The following AGBL4 variants were observed in gnomAD, a reference collection of about 807,000 sequenced individuals.
AGBL4 encodes the protein cytosolic carboxypeptidase 6.
Under a neutral mutation model 66.4 loss-of-function variants are expected in AGBL4, and 58 were observed. The observed-to-expected ratio is 0.87, with a 90% CI of 0.71 to 1.09. The LOEUF is 1.09. Ranked by LOEUF, AGBL4 falls within the 50% of genes least tolerant of loss-of-function variation. The pLI, the probability that AGBL4 is intolerant of heterozygous loss-of-function variation, is 0.00. For missense variants in AGBL4, 579 were observed against 631.0 expected, an observed-to-expected ratio of 0.92 and a Z score of 0.88; for synonymous variants, 234 against 222.9, an observed-to-expected ratio of 1.05 and a Z score of -0.44.
At chr1:49,972,281 T>C (rs1033476581) in intron 1 of AGBL4, among the ~76,000 whole-genome samples, 7 of 151,992 alleles carry the variant, frequency 4.6e-5, no homozygotes, top group African/African-American at 1.2e-4. Flanking sequence ...ACAGTGAACA[T>C]TGTACCCAAT....
At chr1:49,225,353 T>C (rs1028542191) in intron 4 of AGBL4, among the ~76,000 whole-genome samples, 3 of 152,220 alleles carry the variant, frequency 2.0e-5, no homozygotes, top group African/African-American at 7.2e-5. Context: ...TATCTTAGAA[T>C]GCTCTGCTCA....
intron 6 of AGBL4, among the ~76,000 whole-genome samples, chr1:48,707,280 TGA>T (rs1646895922): frequency 6.6e-6 from 1 of 151,672 alleles, no homozygotes; most frequent in Admixed American, 6.6e-5. Context: ...GGTGACAGAG[TGA>T]GACCCTATAT....
In AGBL4 at chr1:49,655,621, C is replaced by A. The variant is rs190710978; in HGVS notation, c.282+41692G>T. Reference sequence around the variant, plus strand: ...AAGCAGGACAGATCTAAAATTGACACCCTCACATCACAATTAAAAGAATTA... The same window carrying A: ...AAGCAGGACAGATCTAAAATTGACAACCTCACATCACAATTAAAAGAATTA... On this transcript the variant is annotated intron_variant, in intron 3 of 13. Transcript: ENST00000371839. 4.3e-3 allele frequency among the ~76,000 whole-genome samples: 655 copies of A among 152,176 alleles called. 6 individuals carry two copies. Among genetic ancestry groups the A allele is most frequent in the African/African-American group, 0.015 (612 of 41,490 alleles).
chr1:49,891,265 A>C (rs1235864460), intron 1 of AGBL4, among the ~76,000 whole-genome samples: 4 of 152,202 alleles, frequency 2.6e-5, no homozygotes, highest in African/African-American at 9.6e-5. Context: ...ATGGAAAAAA[A>C]TAAGTGAGCA....
chr1:48,877,081 C>G (rs1047072642), intron 5 of AGBL4, among the ~76,000 whole-genome samples: 5 of 152,166 alleles, frequency 3.3e-5, no homozygotes, highest in African/African-American at 1.2e-4. Context: ...GGAAAGGGAT[C>G]TGCTCAAAAT....
chr1:49,192,478 T>C (rs1647139939), intron 4 of AGBL4, among the ~76,000 whole-genome samples: 1 of 152,178 alleles, frequency 6.6e-6, no homozygotes, highest in South Asian at 2.1e-4. Flanking sequence ...TTTGTATTTT[T>C]AGTAGAGACA....
At chr1:49,086,384 G>C (rs912533660) in intron 4 of AGBL4, among the ~76,000 whole-genome samples, 1 of 152,032 alleles carries the variant, frequency 6.6e-6, no homozygotes, top group East Asian at 1.9e-4. Context: ...GAAAGCAGGG[G>C]TGGGGGTGAC....
intron 3 of AGBL4, among the ~76,000 whole-genome samples, chr1:49,259,933 A>T (rs1396422020): frequency 6.6e-6 from 1 of 151,030 alleles, no homozygotes; most frequent in Non-Finnish European, 1.5e-5. Context: ...CAAATGTAAA[A>T]GAACAGAGAT....
chr1:48,678,240 G>A (rs993487434), intron 6 of AGBL4, among the ~76,000 whole-genome samples: 28 of 139,786 alleles, frequency 2.0e-4, no homozygotes, highest in Admixed American at 1.4e-4. Flanking sequence ...CGCCGCCCCC[G>A]CCCTTCTGCC....
At chr1:49,078,185 G>C (rs1644745593) in intron 4 of AGBL4, among the ~76,000 whole-genome samples, 1 of 152,096 alleles carries the variant, frequency 6.6e-6, no homozygotes, top group South Asian at 2.1e-4. Context: ...TGTCTCAAGG[G>C]TCTCACAGAG....
In AGBL4 at chr1:49,155,672, G is replaced by A. The variant is rs1646416208; in HGVS notation, c.377+90098C>T. Among the ~76,000 whole-genome samples the A allele has an allele frequency of 3.9e-5, 6 of 152,244 alleles. No homozygotes were observed. The South Asian group carries it at 8.3e-4, about 21-fold the overall frequency. On this transcript the variant is annotated intron_variant, in intron 4 of 13. Transcript: ENST00000371839. Reference sequence around the variant, plus strand: ...GTAGGTGAGTAAAGTAAGATGTCAGGGGGCATCTTCTCAGTTCCACATGGG... The same window carrying A: ...GTAGGTGAGTAAAGTAAGATGTCAGAGGGCATCTTCTCAGTTCCACATGGG...
chr1:48,737,194 G>C (rs1330242936), intron 6 of AGBL4, among the ~76,000 whole-genome samples: 1 of 152,172 alleles, frequency 6.6e-6, no homozygotes, highest in African/African-American at 2.4e-5. Context: ...TGAGGCAAGA[G>C]AATCGCTTGA....
At chr1:48,835,375 T>A (rs1646649957) in intron 6 of AGBL4, among the ~76,000 whole-genome samples, 4 of 152,156 alleles carry the variant, frequency 2.6e-5, no homozygotes, top group Non-Finnish European at 4.4e-5. Flanking sequence ...CTCCTGGAAC[T>A]TATAGGCTAG....
chr1:49,857,675 T>G (rs947374742), intron 1 of AGBL4, among the ~76,000 whole-genome samples: 1 of 152,144 alleles, frequency 6.6e-6, no homozygotes, highest in Non-Finnish European at 1.5e-5. Context: ...AATATCCACA[T>G]GCAGAAGAAT....
At chr1:49,229,984 G>A (rs1403348885) in intron 4 of AGBL4, among the ~76,000 whole-genome samples, 1 of 152,066 alleles carries the variant, frequency 6.6e-6, no homozygotes, top group African/African-American at 2.4e-5. Context: ...ATCTTTTATA[G>A]ACACAAAAAT....
chr1:48,574,058 A>G (rs183747833), intron 11 of AGBL4, among the ~76,000 whole-genome samples: 120 of 152,346 alleles, frequency 7.9e-4, no homozygotes, highest in African/African-American at 2.8e-3. Context: ...GCTTCATTCT[A>G]TTATTAACGA....
At chr1:49,065,650 T>C (rs1159371954) in intron 4 of AGBL4, among the ~76,000 whole-genome samples, 11 of 152,232 alleles carry the variant, frequency 7.2e-5, no homozygotes, top group South Asian at 2.1e-4. Context: ...GCATCATTGT[T>C]CCTGCATTGC....
intron 2 of AGBL4, among the ~76,000 whole-genome samples, chr1:49,767,404 A>G (rs1330470928): frequency 2.0e-5 from 3 of 152,118 alleles, no homozygotes; most frequent in Non-Finnish European, 2.9e-5. Flanking sequence ...AAATTATGTG[A>G]AATAGATGAA....
chr1:48,777,712 C>CTA (rs1268436468), intron 6 of AGBL4, among the ~76,000 whole-genome samples: 1 of 152,096 alleles, frequency 6.6e-6, no homozygotes, highest in African/African-American at 2.4e-5. Context: ...CCCCTCTCCT[C>CTA]TATAGTCTTT....
Sources: gnomAD v4.1 joint callset for allele counts (sites outside exome capture counted in the v4.1 genomes callset) on GRCh38, gnomAD v4.1.1 for gene constraint, MANE v1.5 for transcripts, NCBI Gene and HGNC (gene_info 2026-07-23, HGNC 2026-07-21) for gene names.